Variants in IQGAP2 observed in about 807,000 individuals in gnomAD.
IQGAP2 encodes ras GTPase-activating-like protein IQGAP2.
Under a neutral mutation model 201.3 loss-of-function variants are expected in IQGAP2, and 173 were observed. The ratio of observed to expected loss-of-function variants is 0.86; its 90% CI spans 0.76 to 0.98. The LOEUF is 0.98. Among genes scored for constraint, IQGAP2 ranks in the 50% least tolerant of loss-of-function variants. IQGAP2 has a pLI of 0.00. For missense variants in IQGAP2, 1,687 were observed against 1,864.8 expected (o/e 0.90, Z 1.76); for synonymous variants, 675 against 673.9 (o/e 1.00, Z -0.03).
chr5:76,454,446 C>T (rs1333813083), intron 1 of IQGAP2, among the ~76,000 whole-genome samples: 1 of 117,502 alleles, frequency 8.5e-6, no homozygotes, highest in African/African-American at 3.2e-5. Context: ...CTCCCCTCCC[C>T]CCACCCCACA....
chr5:76,661,139 G>A lies in IQGAP2; in HGVS notation c.2529+2472G>A, dbSNP rs1040949869. Among the ~76,000 whole-genome samples the A allele has an allele frequency of 3.3e-5, 5 of 152,166 alleles. No individual in the cohort carries two copies. The South Asian group carries it at 6.2e-4, about 19-fold the overall frequency. On this transcript the variant is annotated intron_variant, in intron 21 of 35. Coordinates refer to ENST00000274364, the MANE Select transcript of IQGAP2 (RefSeq NM_006633.5). ...ATTTTTAACAATGAGTGTGTGTTTA[G>A]TGAGGAAAAGAGAGATTGTAAAGGG...
chr5:76,445,495 G>A (rs945597715), intron 1 of IQGAP2, among the ~76,000 whole-genome samples: 3 of 144,170 alleles, frequency 2.1e-5, no homozygotes, highest in African/African-American at 7.8e-5. Flanking sequence ...ATGGAGTTTC[G>A]CTCTTGTTGC....
intron 17 of IQGAP2, among the ~76,000 whole-genome samples, chr5:76,645,850 A>C (rs189339812): frequency 6.6e-5 from 10 of 151,744 alleles, no homozygotes; most frequent in South Asian, 2.1e-4. Flanking sequence ...AACAGAATGG[A>C]CGAATGGGGT....
intron 2 of IQGAP2, among the ~76,000 whole-genome samples, chr5:76,490,264 T>TGAGTA (rs1756459303): frequency 6.6e-6 from 1 of 152,194 alleles, no homozygotes; most frequent in Admixed American, 6.5e-5. Context: ...TCTGGTCTAC[T>TGAGTA]CTAGGAGCTT....
chr5:76,453,673 G>C (rs1295923226), intron 1 of IQGAP2, among the ~76,000 whole-genome samples: 1 of 152,168 alleles, frequency 6.6e-6, no homozygotes, highest in Non-Finnish European at 1.5e-5. Context: ...CTGCTTAACA[G>C]TTGTAAAATA....
intron 2 of IQGAP2, among the ~76,000 whole-genome samples, chr5:76,506,732 A>C (rs1366370627): frequency 6.6e-6 from 1 of 152,242 alleles, no homozygotes; most frequent in Admixed American, 6.5e-5. Flanking sequence ...AGCAATGAAC[A>C]AGTAGAATTT....
At chr5:76,465,526 C>T (rs1489349970) in intron 2 of IQGAP2, among the ~76,000 whole-genome samples, 5 of 152,064 alleles carry the variant, frequency 3.3e-5, no homozygotes, top group Admixed American at 2.0e-4. Context: ...AGATTTTAGC[C>T]AGGCAGTTAG....
intron 5 of IQGAP2, among the ~76,000 whole-genome samples, chr5:76,585,427 G>A (rs1746177046): frequency 6.6e-6 from 1 of 152,032 alleles, no homozygotes; most frequent in South Asian, 2.1e-4. Flanking sequence ...GGAGGAAAGT[G>A]CAAATCAGGT....
rs375722184 is a variant in IQGAP2, at chr5:76,701,247, A to G, written c.4505+34A>G. 7 of 1,603,828 alleles carry G rather than the reference A, an allele frequency of 4.4e-6. No homozygotes were observed. The African/African-American group carries it at 9.4e-5, about 21-fold the overall frequency. On this transcript the variant is annotated intron_variant, in intron 34 of 35. Coordinates refer to ENST00000274364, the MANE Select transcript of IQGAP2 (RefSeq NM_006633.5). Reference sequence around the variant, plus strand: ...GACCTGGAATCTGCATAGAACACGCATGCCATTTGATTTCTTGTGGCCTTG... The same window carrying G: ...GACCTGGAATCTGCATAGAACACGCGTGCCATTTGATTTCTTGTGGCCTTG...
intron 12 of IQGAP2, among the ~76,000 whole-genome samples, chr5:76,610,691 G>C (rs2150341336): frequency 6.6e-6 from 1 of 152,060 alleles, no homozygotes; most frequent in Non-Finnish European, 1.5e-5. Context: ...ATGAACATTG[G>C]CTCTTTTCAT....
intron 2 of IQGAP2, among the ~76,000 whole-genome samples, chr5:76,504,858 G>A (rs552949060): frequency 1.3e-5 from 2 of 152,084 alleles, no homozygotes; most frequent in East Asian, 1.9e-4. Context: ...CTGTCCTTAG[G>A]CCCAGCATGA....
At chr5:76,568,901 C>T (rs1223133175) in intron 3 of IQGAP2, among the ~76,000 whole-genome samples, 1 of 152,190 alleles carries the variant, frequency 6.6e-6, no homozygotes, top group African/African-American at 2.4e-5. Flanking sequence ...AGAGGGTTCT[C>T]ATACCTGTCT....
At position 76,461,638 on chromosome 5, in the gene IQGAP2, GA is replaced by G; in HGVS notation, c.117del (p.Glu39AspfsTer6). 6.2e-7 allele frequency: 1 copy of G among 1,613,920 alleles called. No homozygotes were observed. The highest frequency in any genetic ancestry group is 2.2e-5 in the East Asian group (1 of 44,882). On this transcript the variant is annotated frameshift_variant, in exon 2 of 36. Transcript: ENST00000274364. LOFTEE classifies it high-confidence loss of function. ...GAGGAGGCGGCAGAACATTGCTTAT[GA>G]ATATCTGTGCCACTTAGAGGAAGCC... is the stretch of plus-strand genomic sequence containing the variant. Reference protein sequence around the residue: ...DERRRQNIAYEYLCHLEEAKR... With the variant: ...DERRRQNIAYXYLCHLEEAKR...
chr5:76,665,837 A>G lies in IQGAP2; in HGVS notation c.2679+662A>G, dbSNP rs148536410. Among the ~76,000 whole-genome samples, 280 of 152,342 alleles carry G rather than the reference A, an allele frequency of 1.8e-3. 1 individual carries two copies. The highest frequency in any genetic ancestry group is 3.4e-3 in the Non-Finnish European group (233 of 68,036). ...ACCATTGATTCAGCCCGTCAGCCCT[A>G]CTAGCACATACAGCTAGTCACAGAG... On this transcript the variant is annotated intron_variant, in intron 22 of 35. Transcript: ENST00000274364.
At chr5:76,517,373 A>G (rs953451952) in intron 2 of IQGAP2, among the ~76,000 whole-genome samples, 5 of 152,142 alleles carry the variant, frequency 3.3e-5, no homozygotes, top group East Asian at 1.9e-4. Context: ...ACTGCATTCA[A>G]CTCTTCAATT....
chr5:76,655,093 C>A, intron 20 of IQGAP2, 90 bp downstream of exon 20: 1 of 876,166 alleles, frequency 1.1e-6, no homozygotes, highest in South Asian at 1.5e-5. Context: ...AGAGGCTGCT[C>A]TAAGAACAGA....
chr5:76,589,080 G>A lies in IQGAP2; in HGVS notation c.526+107G>A, dbSNP rs924101271. ...TGTAATCCCAGCACTTTGGGAGGCC[G>A]AGGCGGGCGGATCACAAGGTCAGGA... On this transcript the variant is annotated intron_variant, in intron 6 of 35. Coordinates refer to ENST00000274364, the MANE Select transcript of IQGAP2 (RefSeq NM_006633.5). The A allele has an allele frequency of 1.5e-4, 89 of 579,918 alleles. 1 individual carries two copies. Among genetic ancestry groups the A allele is most frequent in the African/African-American group, 1.0e-3 (51 of 51,116 alleles). The allele number at this position is 579,918 out of a possible 1,614,324, so 35.9% of individuals were successfully genotyped here.
chr5:76,498,621 G>GT (rs1391749710), intron 2 of IQGAP2, among the ~76,000 whole-genome samples: 1 of 152,174 alleles, frequency 6.6e-6, no homozygotes, highest in East Asian at 1.9e-4. Context: ...TTCTCTTAGG[G>GT]TTTTTAGGGT....
chr5:76,523,934 A>G (rs1231921828), intron 2 of IQGAP2, among the ~76,000 whole-genome samples: 1 of 152,152 alleles, frequency 6.6e-6, no homozygotes, highest in African/African-American at 2.4e-5. Context: ...TGAGGCAGAC[A>G]AGATTAGCTA....
Sources: allele counts gnomAD v4.1 joint callset (sites outside exome capture counted in the v4.1 genomes callset), GRCh38; gene constraint gnomAD v4.1.1; transcripts MANE v1.5; gene names NCBI Gene and HGNC (gene_info 2026-07-23, HGNC 2026-07-21).